TACC3: variants seen among roughly 807,000 people sequenced by gnomAD.
The protein encoded by TACC3 is transforming acidic coiled-coil-containing protein 3.
TACC3 carries 52 observed loss-of-function variants against 86.0 expected under a neutral mutation model. That is an observed-to-expected ratio of 0.60 (90% CI 0.48 to 0.76). TACC3 has a LOEUF of 0.76. TACC3 is among the 30% of genes least tolerant of loss of function. The pLI, the probability that TACC3 is intolerant of heterozygous loss-of-function variation, is 0.00. For synonymous variants in TACC3, 512 were observed against 430.0 expected (o/e 1.19, Z -2.36); for missense variants, 1,120 against 1,070.4 (o/e 1.05, Z -0.65).
At chr4:1,727,209 G>A (rs1280342686) in intron 3 of TACC3, among the ~76,000 whole-genome samples, 1 of 152,132 alleles carries the variant, frequency 6.6e-6, no homozygotes, top group Non-Finnish European at 1.5e-5. Context: ...GATGCCTCCA[G>A]GCTTCTTTCT....
Position 1,737,606 on chromosome 4 carries a change from C to A in TACC3, c.1845C>A (p.Gly615=). 1.3e-6 allele frequency: 2 copies of A among 1,512,026 alleles called. No individual in the cohort carries two copies. The highest frequency in any genetic ancestry group is 1.8e-6 in the Non-Finnish European group (2 of 1,125,144). The allele number at this position is 1,512,026 out of a possible 1,614,324, so 93.7% of individuals were successfully genotyped here. Residue 615 remains glycine (G), a synonymous_variant, in exon 10 of 16, where the codon GGC becomes GGA. Transcript: ENST00000313288. ...ATCCCCATCTCCCGCAGGTGCCAGG[C>A]CCACCCCCAGGTGTTCCCGCGCCTG... ...FLGALDIPVP[G]PPPGVPAPGG...
chr4:1,744,921 G>A (rs760320755), intron 15 of TACC3, 27 bp from the exon 16 acceptor site: 3 of 1,611,368 alleles, frequency 1.9e-6, no homozygotes, highest in Non-Finnish European at 2.5e-6. Flanking sequence ...GCAGGGAGAA[G>A]CCCCGCAACT....
chr4:1,730,184 A>G (rs955618012), intron 4 of TACC3, among the ~76,000 whole-genome samples: 2 of 151,876 alleles, frequency 1.3e-5, no homozygotes, highest in African/African-American at 2.4e-5. Context: ...GACTGCAGGC[A>G]CCCGCCACCA....
At chr4:1,726,017 T>G (rs1454261266) in intron 3 of TACC3, among the ~76,000 whole-genome samples, 2 of 152,208 alleles carry the variant, frequency 1.3e-5, no homozygotes, top group African/African-American at 4.8e-5. Context: ...GCCCCTTATC[T>G]GAGGCACTGG....
In TACC3 at chr4:1,737,614, C is replaced by T. The variant is rs549976263; in HGVS notation, c.1853C>T (p.Pro618Leu). 2.0e-6 allele frequency: 3 copies of T among 1,521,076 alleles called. No homozygotes were observed. In the African/African-American group the frequency reaches 4.1e-5, roughly 21 times the overall value. 94.2% of individuals were successfully genotyped at this position (1,521,076 alleles called of 1,614,324 possible). ...CTCCCGCAGGTGCCAGGCCCACCCC[C>T]AGGTGTTCCCGCGCCTGGGGGCCCA... The part of the protein sequence containing the change: ...ALDIPVPGPP[P>L]GVPAPGGPPL... The change falls in exon 10 of 16, where the codon CCA becomes CTA. Residue 618 changes from proline (P) to leucine (L), a missense_variant. Pro to Leu is a moderately conservative substitution (Grantham distance 98). Coordinates refer to ENST00000313288, the MANE Select transcript of TACC3 (RefSeq NM_006342.3).
chr4:1,736,917 G>GAA (rs768660480), intron 8 of TACC3, among the ~76,000 whole-genome samples: 8 of 142,622 alleles, frequency 5.6e-5, no homozygotes, highest in Admixed American at 1.4e-4. Flanking sequence ...CTCGGAAAAA[G>GAA]AAAAAAAAAA....
chr4:1,738,087 T>C (rs940779556), intron 10 of TACC3: 2 of 358,042 alleles, frequency 5.6e-6, no homozygotes, highest in East Asian at 1.5e-4. Flanking sequence ...AAGCTCCATC[T>C]TCACCCACCC....
At chr4:1,742,911 G>A (rs967066584) in intron 13 of TACC3, among the ~76,000 whole-genome samples, 1 of 152,190 alleles carries the variant, frequency 6.6e-6, no homozygotes, top group Non-Finnish European at 1.5e-5. Flanking sequence ...AGGTTGCAGT[G>A]AGCCGATATG....
At chr4:1,743,515 T>C (rs1346903567) in intron 13 of TACC3, among the ~76,000 whole-genome samples, 1 of 151,314 alleles carries the variant, frequency 6.6e-6, no homozygotes, top group African/African-American at 2.4e-5. Flanking sequence ...ATCATGCCAC[T>C]TCACTCCAGC....
At chr4:1,733,989 AAG>A (rs1718133125) in intron 6 of TACC3, among the ~76,000 whole-genome samples, 1 of 151,818 alleles carries the variant, frequency 6.6e-6, no homozygotes, top group African/African-American at 2.4e-5. Context: ...AAAAAAAAAA[AAG>A]AAAAGAAAAC....
At position 1,728,179 on chromosome 4, in the gene TACC3, C is replaced by T; in HGVS notation, c.777C>T (p.Ala259=). The change falls in exon 4 of 16, where the codon GCC becomes GCT. Residue 259 remains alanine (A), a synonymous_variant. Transcript: ENST00000313288. ...TSPPGAIPKE[A]CGGAPLQGLP... is the part of the protein sequence containing the mutation. ...CTCCTGGTGCAATCCCTAAGGAAGC[C>T]TGCGGAGGAGCACCCCTGCAGGGTC... is the stretch of plus-strand genomic sequence containing the variant. 1.2e-6 allele frequency: 2 copies of T among 1,611,772 alleles called. No homozygotes were observed. Among genetic ancestry groups the T allele is most frequent in the Non-Finnish European group, 1.7e-6 (2 of 1,179,500 alleles).
At position 1,740,832 on chromosome 4, in the gene TACC3, T is replaced by C; in HGVS notation, c.2069T>C (p.Val690Ala). Residue 690 changes from valine to alanine, a missense_variant, in exon 13 of 16, where the codon GTT becomes GCT. Val to Ala is a moderately conservative substitution (Grantham distance 64). Coordinates refer to ENST00000313288, the MANE Select transcript of TACC3 (RefSeq NM_006342.3). ...TTGCTTTTCTTTTCTCAAGAGGAAG[T>C]TCAGAAGCAGAAGGAACTTTCCAAA... is the stretch of plus-strand genomic sequence containing the variant. ...EEVVYQAMEE[V>A]QKQKELSKAE... The C allele has an allele frequency of 1.2e-6, 2 of 1,605,026 alleles. No homozygotes were observed. The highest frequency in any genetic ancestry group is 1.7e-6 in the Non-Finnish European group (2 of 1,177,838).
At chr4:1,725,440 CTT>C (rs1220029364) in intron 3 of TACC3, among the ~76,000 whole-genome samples, 1 of 152,202 alleles carries the variant, frequency 6.6e-6, no homozygotes, top group Non-Finnish European at 1.5e-5. Flanking sequence ...TACTTTTCAA[CTT>C]TGTTTTTTGC....
In TACC3 at chr4:1,728,630, A is replaced by G; in HGVS notation, c.1228A>G (p.Met410Val). The change falls in exon 4 of 16, where the codon ATG becomes GTG. Residue 410 changes from methionine (M) to valine (V), a missense_variant. Met to Val is a conservative substitution (Grantham distance 21). Coordinates refer to ENST00000313288, the MANE Select transcript of TACC3 (RefSeq NM_006342.3). ...CTCTTACCACCTCGACTGGGACAAA[A>G]TGGATGACCCAAACTTCATCCCGTT... ...RGSYHLDWDK[M>V]DDPNFIPFGG... 1 of 1,613,896 alleles carries G rather than the reference A, an allele frequency of 6.2e-7. No homozygotes were observed. The highest frequency in any genetic ancestry group is 8.5e-7 in the Non-Finnish European group (1 of 1,180,010).
intron 12 of TACC3, chr4:1,740,439 G>C (rs1718532419): frequency 3.1e-6 from 1 of 326,010 alleles, no homozygotes; most frequent in Non-Finnish European, 5.7e-6. Context: ...TCTGTCTTAG[G>C]CTGAGTGTCA....
Position 1,745,149 on chromosome 4 carries a change from T to A in TACC3, c.*136T>A. 1.0e-6 allele frequency: 1 copy of A among 961,610 alleles called. No individual in the cohort carries two copies. The highest frequency in any genetic ancestry group is 1.5e-6 in the Non-Finnish European group (1 of 654,940). 59.6% of individuals were successfully genotyped at this position (961,610 alleles called of 1,614,324 possible). A position where few individuals can be genotyped will look rare whatever the true frequency, so the allele number is the denominator to read the frequency against. On this transcript the variant is annotated 3_prime_UTR_variant, in exon 16 of 16. Coordinates refer to ENST00000313288, the MANE Select transcript of TACC3 (RefSeq NM_006342.3). Reference sequence around the variant, plus strand: ...AGATTGCTTTGAAAACATGACTCAATAAAAGTTTCCTTTCAATTTAAACAC... The same window carrying A: ...AGATTGCTTTGAAAACATGACTCAAAAAAAGTTTCCTTTCAATTTAAACAC...
rs41286671 is a variant in TACC3, at chr4:1,723,763, G to A, written c.198G>A (p.Thr66=). The change falls in exon 3 of 16, where the codon ACG becomes ACA. Residue 66 remains threonine (T), a synonymous_variant. Transcript: ENST00000313288. Reference sequence around the variant, plus strand: ...AGACACCTCTGCGGGATCCACAGACGCACAGGATTCTAAGTCCTAGCATGG... The same window carrying A: ...AGACACCTCTGCGGGATCCACAGACACACAGGATTCTAAGTCCTAGCATGG... ...TFQTPLRDPQ[T]HRILSPSMAS... 229 of 1,613,802 alleles carry A rather than the reference G, an allele frequency of 1.4e-4. No individual in the cohort carries two copies. Among genetic ancestry groups the A allele is most frequent in the Non-Finnish European group, 1.8e-4 (207 of 1,180,022 alleles).
upstream of TACC3, chr4:1,721,193 C>G (rs942112851): frequency 1.1e-5 from 2 of 185,942 alleles, no homozygotes; most frequent in African/African-American, 2.3e-5. Flanking sequence ...GGCACCGCAC[C>G]TGTGCATTGA....
chr4:1,726,553 C>T (rs752146435), intron 3 of TACC3, among the ~76,000 whole-genome samples: 8 of 152,302 alleles, frequency 5.3e-5, no homozygotes, highest in African/African-American at 7.2e-5. Context: ...GATGTTTTCA[C>T]GCAGATTAAA....
Sources: allele counts gnomAD v4.1 joint callset (sites outside exome capture counted in the v4.1 genomes callset), GRCh38; gene constraint gnomAD v4.1.1; transcripts MANE v1.5; gene names NCBI Gene and HGNC (gene_info 2026-07-23, HGNC 2026-07-21).